The following KCNT2 variants were observed in gnomAD, a reference collection of about 807,000 sequenced individuals.
KCNT2 encodes the protein potassium channel subfamily T member 2.
A neutral mutation model predicts 153.8 loss-of-function variants in KCNT2; 67 were observed. The ratio of observed to expected loss-of-function variants is 0.44; its 90% confidence interval spans 0.36 to 0.53. KCNT2 has a LOEUF of 0.53. Among genes scored for constraint, KCNT2 ranks in the 20% least tolerant of loss-of-function variants. The pLI is 0.00. For synonymous variants in KCNT2, 500 were observed against 458.8 expected (o/e 1.09, Z -1.15); for missense variants, 975 against 1,354.8 (o/e 0.72, Z 4.40).
intron 12 of KCNT2, among the ~76,000 whole-genome samples, chr1:196,417,404 A>G (rs1470916327): frequency 6.6e-6 from 1 of 152,096 alleles, no homozygotes; most frequent in African/African-American, 2.4e-5. Flanking sequence ...ACATGTACAT[A>G]GTCCAAAAAG....
intron 1 of KCNT2, among the ~76,000 whole-genome samples, chr1:196,502,477 A>G (rs1439389145): frequency 2.0e-5 from 3 of 152,234 alleles, no homozygotes; most frequent in African/African-American, 4.8e-5. Context: ...GTGTTTATAT[A>G]TGTTACATAT....
At chr1:196,303,496 G>A (rs1661371363) in intron 22 of KCNT2, among the ~76,000 whole-genome samples, 1 of 151,978 alleles carries the variant, frequency 6.6e-6, no homozygotes, top group Non-Finnish European at 1.5e-5. Context: ...TTATGACCTT[G>A]CTACGTCAAC....
At chr1:196,486,209 G>T (rs1376836695) in intron 3 of KCNT2, among the ~76,000 whole-genome samples, 1 of 151,854 alleles carries the variant, frequency 6.6e-6, no homozygotes, top group Non-Finnish European at 1.5e-5. Context: ...TATTCTAGGT[G>T]TTGTGATCTC....
intron 22 of KCNT2, among the ~76,000 whole-genome samples, chr1:196,289,696 A>G (rs1398350345): frequency 1.3e-5 from 2 of 152,112 alleles, no homozygotes; most frequent in Non-Finnish European, 2.9e-5. Flanking sequence ...TTACTTTACT[A>G]TGTCTAGTTA....
At chr1:196,571,019 A>G (rs1269226754) in intron 1 of KCNT2, among the ~76,000 whole-genome samples, 2 of 152,064 alleles carry the variant, frequency 1.3e-5, no homozygotes, top group African/African-American at 4.8e-5. Context: ...CAGACTACCT[A>G]TATTAGTTCA....
chr1:196,258,059 C>G, intron 26 of KCNT2, 135 bp downstream of exon 26: 1 of 1,439,612 alleles, frequency 6.9e-7, no homozygotes. Flanking sequence ...TGTAGGAGAT[C>G]AGATGTATCA....
chr1:196,299,824 G>A (rs1661013705), intron 22 of KCNT2, among the ~76,000 whole-genome samples: 1 of 152,154 alleles, frequency 6.6e-6, no homozygotes, highest in South Asian at 2.1e-4. Flanking sequence ...GCATCATTTA[G>A]AATGGCCAAG....
chr1:196,380,116 C>T (rs1257983446), intron 13 of KCNT2, among the ~76,000 whole-genome samples: 2 of 152,126 alleles, frequency 1.3e-5, no homozygotes, highest in African/African-American at 4.8e-5. Context: ...CAAGAATGCT[C>T]ATGTGTATGC....
chr1:196,292,913 CTG>C (rs2147925990), intron 22 of KCNT2, among the ~76,000 whole-genome samples: 1 of 150,854 alleles, frequency 6.6e-6, no homozygotes, highest in African/African-American at 2.4e-5. Context: ...CACCAAAAAG[CTG>C]TTAGAAGTGA....
At chr1:196,308,595 T>A (rs1571987165) in intron 21 of KCNT2, among the ~76,000 whole-genome samples, 1 of 152,146 alleles carries the variant, frequency 6.6e-6, no homozygotes, top group South Asian at 2.1e-4. Flanking sequence ...TCACATCACC[T>A]CTTCAAACTA....
chr1:196,500,206 G>C (rs983025842), intron 1 of KCNT2, among the ~76,000 whole-genome samples: 2 of 135,006 alleles, frequency 1.5e-5, no homozygotes, highest in Non-Finnish European at 3.1e-5. Context: ...GAAGGAGGGG[G>C]AGAGAGAGAG....
intron 11 of KCNT2, among the ~76,000 whole-genome samples, chr1:196,425,341 T>C (rs146045650): frequency 5.5e-4 from 84 of 152,018 alleles, no homozygotes; most frequent in African/African-American, 1.8e-3. Context: ...ACCTTTCTGA[T>C]TCCTCTAGTC....
intron 5 of KCNT2, among the ~76,000 whole-genome samples, chr1:196,470,727 G>A (rs886075218): frequency 1.3e-5 from 2 of 152,122 alleles, no homozygotes; most frequent in Non-Finnish European, 2.9e-5. Context: ...CAGCCTTAAA[G>A]GGCATCAAAT....
intron 25 of KCNT2, among the ~76,000 whole-genome samples, chr1:196,268,996 G>A (rs1469888289): frequency 6.6e-6 from 1 of 151,888 alleles, no homozygotes; most frequent in Admixed American, 6.6e-5. Flanking sequence ...TAATAATAAA[G>A]AAATAATGCA....
intron 25 of KCNT2, among the ~76,000 whole-genome samples, chr1:196,279,910 A>G (rs1175547527): frequency 6.6e-6 from 1 of 152,280 alleles, no homozygotes; most frequent in Middle Eastern, 3.4e-3. Context: ...ATAGGGATTT[A>G]TTAATTTTGT....
intron 8 of KCNT2, among the ~76,000 whole-genome samples, chr1:196,454,146 T>C (rs1296567104): frequency 2.0e-5 from 3 of 152,004 alleles, no homozygotes; most frequent in Non-Finnish European, 4.4e-5. Context: ...CTATACATAT[T>C]TTTCAACCAT....
chr1:196,390,348 A>T (rs1249026884), intron 13 of KCNT2, among the ~76,000 whole-genome samples: 1 of 151,542 alleles, frequency 6.6e-6, no homozygotes, highest in African/African-American at 2.4e-5. Context: ...TAAGTTCAGT[A>T]CTCTAACAGA....
chr1:196,283,453 AAAAT>A (rs1181853332), intron 23 of KCNT2, among the ~76,000 whole-genome samples: 1 of 152,058 alleles, frequency 6.6e-6, no homozygotes, highest in East Asian at 1.9e-4. Context: ...AAACAAACAA[AAAAT>A]AAATAAAATG....
At position 196,608,205 on chromosome 1, in the gene KCNT2, C is replaced by T. The variant is rs767631012; in HGVS notation, c.95+10G>A. 3.8e-5 allele frequency: 61 copies of T among 1,612,264 alleles called. No individual in the cohort carries two copies. The highest frequency in any genetic ancestry group is 4.8e-5 in the Non-Finnish European group (57 of 1,178,462). ...ATATTTACAGAACAATCCTCCACCACACCACTCACCTGTCGTCGTTTTGCC... is the reference window on the plus strand; with the variant it reads ...ATATTTACAGAACAATCCTCCACCATACCACTCACCTGTCGTCGTTTTGCC... On this transcript the variant is annotated intron_variant, in intron 1 of 27. Transcript: ENST00000294725.
Sources: gnomAD v4.1 joint callset for allele counts (sites outside exome capture counted in the v4.1 genomes callset) on GRCh38, gnomAD v4.1.1 for gene constraint, MANE v1.5 for transcripts, NCBI Gene and HGNC (gene_info 2026-07-23, HGNC 2026-07-21) for gene names.